Variants in SLAMF6 observed in about 807,000 individuals in gnomAD.
SLAMF6 encodes the protein NK-T-B-antigen.
In SLAMF6, 21 loss-of-function variants were observed where a neutral mutation model predicts 38.3. The observed-to-expected ratio is 0.55, with a 90% CI of 0.39 to 0.79. The LOEUF is 0.79. Ranked by LOEUF, SLAMF6 falls within the 30% of genes least tolerant of loss-of-function variation. The pLI, the probability that SLAMF6 is intolerant of heterozygous loss-of-function variation, is 0.00. For missense variants in SLAMF6, 341 were observed against 385.3 expected, an observed-to-expected ratio of 0.89 and a Z score of 0.96; for synonymous variants, 152 against 146.3, an observed-to-expected ratio of 1.04 and a Z score of -0.28.
chr1:160,504,629 C>T (rs1654085563), intron 1 of SLAMF6, among the ~76,000 whole-genome samples: 1 of 152,186 alleles, frequency 6.6e-6, no homozygotes, highest in Non-Finnish European at 1.5e-5. Flanking sequence ...TTTGTCTCAA[C>T]TACCTCTCTT....
chr1:160,490,894 GC>G (rs1480792790), intron 3 of SLAMF6, among the ~76,000 whole-genome samples: 1 of 152,054 alleles, frequency 6.6e-6, no homozygotes, highest in Non-Finnish European at 1.5e-5. Context: ...ACATTCCCAG[GC>G]CTTTGATTTT....
At position 160,489,153 on chromosome 1, in the gene SLAMF6, G is replaced by A; in HGVS notation, c.814C>T (p.Leu272=). The A allele has an allele frequency of 3.1e-6, 5 of 1,613,848 alleles. No individual in the cohort carries two copies. Among genetic ancestry groups the A allele is most frequent in the Non-Finnish European group, 4.2e-6 (5 of 1,179,830 alleles). ...TQGPAESARN[L]EYVSVSPTNN... is the part of the protein sequence containing the mutation. ...GTTGGAGACACTGAAACATACTCTA[G>A]GTTCCTTGCGGACTCTGCTGTTAAC... is the stretch of plus-strand genomic sequence containing the variant. The change falls in exon 6 of 8, where the codon CTA becomes TTA. Residue 272 remains leucine, a synonymous_variant. Transcript: ENST00000368057.
intron 1 of SLAMF6, among the ~76,000 whole-genome samples, chr1:160,509,460 C>A (rs1571308090): frequency 6.6e-6 from 1 of 151,564 alleles, no homozygotes; most frequent in African/African-American, 2.4e-5. Context: ...ACAATGAGAA[C>A]ACTTGGACAC....
chr1:160,499,000 A>C (rs1471906730), intron 1 of SLAMF6, among the ~76,000 whole-genome samples: 2 of 152,094 alleles, frequency 1.3e-5, no homozygotes, highest in Non-Finnish European at 2.9e-5. Flanking sequence ...ATTTTCTCTC[A>C]TTCTGTAAGA....
At chr1:160,507,337 T>C (rs966151802) in intron 1 of SLAMF6, among the ~76,000 whole-genome samples, 2 of 151,986 alleles carry the variant, frequency 1.3e-5, no homozygotes, top group Admixed American at 6.6e-5. Flanking sequence ...CTGCAAAAAG[T>C]TATAACAATT....
chr1:160,498,729 T>G (rs1263770791), intron 1 of SLAMF6, among the ~76,000 whole-genome samples: 1 of 151,954 alleles, frequency 6.6e-6, no homozygotes. Context: ...ATTGTGTTCT[T>G]TTTTTTGACT....
chr1:160,517,666 T>C (rs781402432), intron 1 of SLAMF6, among the ~76,000 whole-genome samples: 1 of 152,170 alleles, frequency 6.6e-6, no homozygotes, highest in Non-Finnish European at 1.5e-5. Flanking sequence ...TGGAATACTA[T>C]GCAGCCATCA....
At chr1:160,507,164 G>A (rs1267455713) in intron 1 of SLAMF6, among the ~76,000 whole-genome samples, 2 of 151,932 alleles carry the variant, frequency 1.3e-5, no homozygotes, top group African/African-American at 4.8e-5. Context: ...TAGATTCAAA[G>A]GCACAAATAC....
At chr1:160,487,479 C>T (rs1653026778) in intron 6 of SLAMF6, among the ~76,000 whole-genome samples, 1 of 152,206 alleles carries the variant, frequency 6.6e-6, no homozygotes, top group South Asian at 2.1e-4. Flanking sequence ...TCCAGCTCTA[C>T]TTTCCTTCCT....
rs774266064 is a variant in SLAMF6 at position 160,490,182 on chromosome 1, G to A, written c.796+16C>T. On this transcript the variant is annotated intron_variant, in intron 5 of 7. Coordinates refer to ENST00000368057, the MANE Select transcript of SLAMF6 (RefSeq NM_001184714.2). ...CATCTGCTTTATGATGGAGAGTTAA[G>A]AGTCTGAATGCTCACCGGGGCCCTG... 13 of 1,613,482 alleles carry A rather than the reference G, an allele frequency of 8.1e-6. No homozygotes were observed. In the South Asian group the frequency reaches 9.9e-5, roughly 12 times the overall value.
rs1376951875 is a variant in SLAMF6, at chr1:160,491,232, G to T, written c.539C>A (p.Thr180Asn). The T allele has an allele frequency of 2.5e-6, 4 of 1,613,986 alleles. No homozygotes were observed. In the African/African-American group the frequency reaches 5.3e-5, roughly 22 times the overall value. ...GNTLSSQPNL[T>N]VSWDPRISSE... Reference sequence around the variant, plus strand: ...GGAAATCCTGGGGTCCCAGGAGACAGTGAGGTTTGGCTGACTTGAAAGTGT... The same window carrying T: ...GGAAATCCTGGGGTCCCAGGAGACATTGAGGTTTGGCTGACTTGAAAGTGT... Residue 180 changes from threonine to asparagine, a missense_variant, in exon 3 of 8, where the codon ACT (threonine) becomes AAT (asparagine). Physicochemically the swap from Thr to Asn is moderately conservative, Grantham distance 65. Transcript: ENST00000368057.
chr1:160,504,058 A>G (rs1654054909), intron 1 of SLAMF6, among the ~76,000 whole-genome samples: 1 of 151,708 alleles, frequency 6.6e-6, no homozygotes, highest in Admixed American at 6.6e-5. Context: ...AGGAGTTAAA[A>G]AAAGCCAAAT....
intron 1 of SLAMF6, among the ~76,000 whole-genome samples, chr1:160,520,915 C>G (rs970947444): frequency 2.0e-5 from 3 of 152,150 alleles, no homozygotes; most frequent in Admixed American, 2.0e-4. Context: ...TTCCCTCTGC[C>G]CTAAAATCTT....
At chr1:160,514,361 T>C (rs1654637838) in intron 1 of SLAMF6, among the ~76,000 whole-genome samples, 1 of 152,110 alleles carries the variant, frequency 6.6e-6, no homozygotes. Flanking sequence ...TAAAATAAGC[T>C]CTTAGAGACG....
intron 1 of SLAMF6, among the ~76,000 whole-genome samples, chr1:160,516,979 G>C (rs1030944263): frequency 6.6e-6 from 1 of 152,082 alleles, no homozygotes; most frequent in African/African-American, 2.4e-5. Context: ...ATCACTGAAA[G>C]CAATTGCAAC....
chr1:160,496,010 A>T lies in SLAMF6; in HGVS notation c.382+51T>A, dbSNP rs149113849. 1.4e-3 allele frequency: 2,154 copies of T among 1,502,628 alleles called. 5 individuals are homozygous for T. Among genetic ancestry groups the T allele is most frequent in the Non-Finnish European group, 1.9e-3 (2,033 of 1,094,044 alleles). The allele number at this position is 1,502,628 out of a possible 1,614,324, so 93.1% of individuals were successfully genotyped here. A position where few individuals can be genotyped will look rare whatever the true frequency, so the allele number is the denominator to read the frequency against. Reference sequence around the variant, plus strand: ...ATTTGAAGTCACATAGGATTGGAATACATGTATATTTTTCAGTCCATATGG... The same window carrying T: ...ATTTGAAGTCACATAGGATTGGAATTCATGTATATTTTTCAGTCCATATGG... On this transcript the variant is annotated intron_variant, in intron 2 of 7. Coordinates refer to ENST00000368057, the MANE Select transcript of SLAMF6 (RefSeq NM_001184714.2).
rs538460360 is a variant in SLAMF6, at chr1:160,486,759, G to A, written c.952-5C>T. The A allele has an allele frequency of 6.3e-5, 102 of 1,613,766 alleles. No individual in the cohort carries two copies. The South Asian group carries it at 1.1e-3, about 17-fold the overall frequency. ...CCTGGAAAAAGTGGGTTTACTCTGTGGGAAAAAGAGGAAGATGAGGTAGGT... is the reference window on the plus strand; with the variant it reads ...CCTGGAAAAAGTGGGTTTACTCTGTAGGAAAAAGAGGAAGATGAGGTAGGT... On this transcript the variant is annotated splice_polypyrimidine_tract_variant and splice_region_variant and intron_variant, in intron 7 of 7. Transcript: ENST00000368057.
intron 1 of SLAMF6, among the ~76,000 whole-genome samples, chr1:160,513,066 C>T (rs558542728): frequency 5.3e-5 from 8 of 152,180 alleles, no homozygotes; most frequent in Non-Finnish European, 8.8e-5. Flanking sequence ...TGAACTTTGC[C>T]GAGCTAAAGG....
At chr1:160,490,952 A>C in intron 3 of SLAMF6, 173 bp downstream of exon 3, 1 of 915,212 alleles carries the variant, frequency 1.1e-6, no homozygotes, top group Non-Finnish European at 1.6e-6. Flanking sequence ...GAGAGGAAGG[A>C]AGGAGAGTCC....
Sources: gnomAD v4.1 joint callset for allele counts (sites outside exome capture counted in the v4.1 genomes callset) on GRCh38, gnomAD v4.1.1 for gene constraint, MANE v1.5 for transcripts, NCBI Gene and HGNC (gene_info 2026-07-23, HGNC 2026-07-21) for gene names.